MSN: variants seen among roughly 807,000 people sequenced by gnomAD.
The protein encoded by MSN is epididymis luminal protein 70.
MSN carries 2 observed loss-of-function variants against 48.0 expected under a neutral mutation model. The observed-to-expected ratio is 0.04, with a 90% CI of 0.02 to 0.13. MSN has a LOEUF of 0.13. Among genes scored for constraint, MSN ranks in the 10% least tolerant of loss-of-function variants. MSN has a pLI of 1.00. For missense variants in MSN, 267 were observed against 470.1 expected (o/e 0.57, Z 3.99); for synonymous variants, 146 against 166.9 (o/e 0.87, Z 0.97).
intron 2 of MSN, among the ~76,000 whole-genome samples, chrX:65,721,212 G>A (rs1359782882): frequency 8.9e-6 from 1 of 112,103 alleles, no homozygotes; most frequent in Non-Finnish European, 1.9e-5. Context: ...TTGAGGTCAG[G>A]TTCCATGGGG....
chrX:65,641,403 G>T (rs903855829), intron 1 of MSN, among the ~76,000 whole-genome samples: 1 of 101,043 alleles, frequency 9.9e-6, no homozygotes, highest in Non-Finnish European at 2.0e-5. Context: ...GGAGGTGTGC[G>T]CCTGTAATCC....
At position 65,716,860 on chromosome X, in the gene MSN, G is replaced by T; in HGVS notation, c.55G>T (p.Ala19Ser). The T allele has an allele frequency of 8.3e-7, 1 of 1,210,148 alleles. No individual in the cohort carries two copies. Residue 19 changes from alanine to serine, a missense_variant, in exon 2 of 13, where the codon GCC becomes TCC. By Grantham distance (99) the Ala-to-Ser change is moderately conservative. This residue lies in a region of MSN where 89 missense variants were observed against 151.0 expected (regional missense o/e 0.59). Coordinates refer to ENST00000360270, the MANE Select transcript of MSN (RefSeq NM_002444.3). ...VTTMDAELEFAIQPNTTGKQL... is the reference protein window; with the variant it reads ...VTTMDAELEFSIQPNTTGKQL... ...CACCATGGATGCAGAGCTGGAGTTT[G>T]CCATCCAGCCCAACACCACCGGGAA...
At chrX:65,658,205 G>A (rs761073901) in intron 1 of MSN, among the ~76,000 whole-genome samples, 2 of 111,549 alleles carry the variant, frequency 1.8e-5, no homozygotes, top group African/African-American at 6.5e-5. Context: ...TTTTCCTTAG[G>A]GGAGACAACA....
At chrX:65,656,640 C>T (rs1032591029) in intron 1 of MSN, among the ~76,000 whole-genome samples, 15 of 111,609 alleles carry the variant, frequency 1.3e-4, no homozygotes, top group African/African-American at 4.9e-4. Context: ...AAAGCAGCTG[C>T]TGACAAGACA....
Position 65,651,471 on chromosome X carries a change from G to C in MSN, c.-22+62859G>C, listed in dbSNP as rs769311183. ...TATTTCAAACTATAAGTGCTGTGAA[G>C]GAAACAAATCTCTGAGATTGAGAAT... is the stretch of plus-strand genomic sequence containing the variant. On this transcript the variant is annotated intron_variant, in intron 1 of 3. Transcript: ENST00000609672. Among the ~76,000 whole-genome samples the C allele has an allele frequency of 2.2e-3, 239 of 108,847 alleles. 1 individual carries two copies. The highest frequency in any genetic ancestry group is 7.6e-3 in the African/African-American group (229 of 30,223). 94.5% of individuals were successfully genotyped at this position (108,847 alleles called of 115,157 possible).
intron 1 of MSN, among the ~76,000 whole-genome samples, chrX:65,678,526 G>T (rs2071024084): frequency 9.0e-6 from 1 of 111,362 alleles, no homozygotes; most frequent in African/African-American, 3.3e-5. Context: ...TATTTCTTTG[G>T]AGCAGGTAAA....
chrX:65,657,162 GT>G (rs1229815384), intron 1 of MSN, among the ~76,000 whole-genome samples: 1 of 111,632 alleles, frequency 9.0e-6, no homozygotes. Context: ...GCAGAGCTTG[GT>G]GACTGATGGC....
rs772498103 is a variant in MSN, at chrX:65,662,019, A to C, written c.-21-54799A>C. Among the ~76,000 whole-genome samples the C allele has an allele frequency of 4.0e-4, 45 of 112,486 alleles. No homozygotes were observed. In the South Asian group the frequency reaches 0.013, roughly 33 times the overall value. On this transcript the variant is annotated intron_variant, in intron 1 of 3. Transcript: ENST00000609672. ...ATAGAGCAACACTCCATCTCAAAAC[A>C]AAACCAAACAATAGCCACAAAGAAA...
intron 1 of MSN, among the ~76,000 whole-genome samples, chrX:65,638,303 C>T (rs1041139670): frequency 1.8e-5 from 2 of 112,254 alleles, no homozygotes; most frequent in African/African-American, 6.5e-5. Context: ...AACTCCTGCT[C>T]ACTCTTTAAG....
At chrX:65,609,957 A>C (rs2070307791) in intron 1 of MSN, among the ~76,000 whole-genome samples, 1 of 111,584 alleles carries the variant, frequency 9.0e-6, no homozygotes, top group South Asian at 3.7e-4. Context: ...AATATTCTTC[A>C]CTACTATTTT....
chrX:65,642,350 G>GGTGTGT (rs61644801), intron 1 of MSN, among the ~76,000 whole-genome samples: 17 of 96,207 alleles, frequency 1.8e-4, no homozygotes, highest in South Asian at 4.8e-4. Context: ...TGTACATTAT[G>GGTGTGT]GTGTGTGTGT....
intron 1 of MSN, among the ~76,000 whole-genome samples, chrX:65,627,962 G>C (rs2070521716): frequency 8.9e-6 from 1 of 112,509 alleles, no homozygotes; most frequent in African/African-American, 3.2e-5. Flanking sequence ...AAATTTTAAA[G>C]CTCCAAAATG....
intron 6 of MSN, among the ~76,000 whole-genome samples, chrX:65,732,547 T>G (rs1320823340): frequency 8.9e-6 from 1 of 111,901 alleles, no homozygotes; most frequent in African/African-American, 3.3e-5. Flanking sequence ...AAGTGGCTTT[T>G]GGCCTATAAT....
chrX:65,627,614 G>C (rs1044050262), intron 1 of MSN, among the ~76,000 whole-genome samples: 1 of 110,993 alleles, frequency 9.0e-6, no homozygotes, highest in African/African-American at 3.3e-5. Context: ...CAGTTAAATT[G>C]AGATTTGGGT....
chrX:65,601,631 C>A (rs1324212385), intron 1 of MSN, among the ~76,000 whole-genome samples: 2 of 112,041 alleles, frequency 1.8e-5, no homozygotes, highest in African/African-American at 3.2e-5. Context: ...GAAGATCTAA[C>A]CCTGGTGGGG....
chrX:65,730,237 G>A (rs1051375781), intron 4 of MSN, among the ~76,000 whole-genome samples: 6 of 111,974 alleles, frequency 5.4e-5, no homozygotes, highest in African/African-American at 2.0e-4. Flanking sequence ...AATGAACAAA[G>A]CAGGCAATAT....
At chrX:65,648,834 G>A (rs2070715746) in intron 1 of MSN, among the ~76,000 whole-genome samples, 1 of 110,587 alleles carries the variant, frequency 9.0e-6, no homozygotes, top group African/African-American at 3.3e-5. Context: ...CTGCACTCCA[G>A]CCTGGGTGAC....
At chrX:65,674,799 T>C (rs1034494792) in intron 1 of MSN, among the ~76,000 whole-genome samples, 1 of 111,687 alleles carries the variant, frequency 9.0e-6, no homozygotes, top group African/African-American at 3.3e-5. Flanking sequence ...AAAAAGACCT[T>C]TCAAGCCTCC....
At chrX:65,599,590 G>A (rs775428042) in intron 1 of MSN, among the ~76,000 whole-genome samples, 42 of 112,756 alleles carry the variant, frequency 3.7e-4, no homozygotes, top group Middle Eastern at 4.6e-3. Flanking sequence ...CCGAGATAGC[G>A]CCATGACACT....
Sources: gnomAD v4.1 joint callset for allele counts (sites outside exome capture counted in the v4.1 genomes callset) on GRCh38, gnomAD v4.1.1 for gene constraint, gnomAD v4.1.1 regional missense constraint, MANE v1.5 for transcripts, NCBI Gene and HGNC (gene_info 2026-07-23, HGNC 2026-07-21) for gene names.